The following CERS5 variants were observed in gnomAD, a reference collection of about 807,000 sequenced individuals.
The protein encoded by CERS5 is ceramide synthase 5, also known as LAG1 homolog, ceramide synthase 5.
Under a neutral mutation model 58.9 loss-of-function variants are expected in CERS5, and 37 were observed. That is an observed-to-expected ratio of 0.63 (90% CI 0.48 to 0.83). The LOEUF (loss-of-function observed/expected upper bound fraction) is 0.83, where lower values mean the gene tolerates loss of function less well. CERS5 is among the 40% of genes least tolerant of loss of function. The pLI is 0.00. For missense variants in CERS5, 398 were observed against 489.3 expected (o/e 0.81, Z 1.76); for synonymous variants, 147 against 177.8 (o/e 0.83, Z 1.38).
chr12:50,155,446 A>C (rs1359534746), intron 1 of CERS5, among the ~76,000 whole-genome samples: 2 of 152,004 alleles, frequency 1.3e-5, no homozygotes, highest in Non-Finnish European at 2.9e-5. Context: ...GGCCATTAAA[A>C]AAAAAAATTG....
At chr12:50,143,261 C>G (rs749018883) in intron 2 of CERS5, 57 bp from the exon 3 acceptor site, 8 of 1,592,656 alleles carry the variant, frequency 5.0e-6, no homozygotes, top group Non-Finnish European at 6.9e-6. Flanking sequence ...TCCTTCAATC[C>G]CATTGACTAG....
At chr12:50,142,630 T>C (rs909495310) in intron 3 of CERS5, among the ~76,000 whole-genome samples, 1 of 151,914 alleles carries the variant, frequency 6.6e-6, no homozygotes, top group African/African-American at 2.4e-5. Flanking sequence ...CCCTAGCATT[T>C]TTCTTTACAT....
Position 50,161,784 on chromosome 12 carries a change from GAAAAAA to G in CERS5, c.197+5311_197+5316del, listed in dbSNP as rs374177550. 4.4e-5 allele frequency among the ~76,000 whole-genome samples: 4 copies of G among 90,894 alleles called. No individual in the cohort carries two copies. In the South Asian group the frequency reaches 1.6e-3, roughly 36 times the overall value. The allele number at this position is 90,894 out of a possible 152,430, so 59.6% of individuals were successfully genotyped here. A position where few individuals can be genotyped will look rare whatever the true frequency, so the allele number is the denominator to read the frequency against. ...AGAGTGAGACTCCGTCTCAAAAAAA[GAAAAAA>G]AAAAAAAAAAGCAAAGTTCAAGTTA... On this transcript the variant is annotated intron_variant, in intron 1 of 9. Transcript: ENST00000317551.
intron 1 of CERS5, among the ~76,000 whole-genome samples, chr12:50,147,600 C>G (rs946658314): frequency 2.0e-5 from 3 of 152,150 alleles, no homozygotes; most frequent in Non-Finnish European, 4.4e-5. Context: ...AATCTATTCT[C>G]TCTCATGAGA....
chr12:50,144,820 TC>T, intron 1 of CERS5: 1 of 1,514,898 alleles, frequency 6.6e-7, no homozygotes, highest in South Asian at 1.2e-5. Flanking sequence ...TCAAGCAGAG[TC>T]CCAAGGATTT....
chr12:50,157,652 C>G (rs2138236391), intron 1 of CERS5, among the ~76,000 whole-genome samples: 1 of 152,132 alleles, frequency 6.6e-6, no homozygotes, highest in East Asian at 1.9e-4. Context: ...ATTCACTTTA[C>G]CTAGATCCTT....
At chr12:50,147,205 C>A (rs1221762409) in intron 1 of CERS5, 1 of 151,942 alleles carries the variant, frequency 6.6e-6, no homozygotes, top group African/African-American at 2.4e-5. Flanking sequence ...AGTTCGAGAC[C>A]AGCCTATCCA....
chr12:50,163,734 C>T lies in CERS5; in HGVS notation c.197+3367G>A, dbSNP rs567277244. On this transcript the variant is annotated intron_variant, in intron 1 of 9. Transcript: ENST00000317551. ...GATCACGGCTCACTGCAGTCTCAAC[C>T]TCCCGGGTTCAAGCAATCCTCCTGC... Among the ~76,000 whole-genome samples, 5 of 152,244 alleles carry T rather than the reference C, an allele frequency of 3.3e-5. No homozygotes were observed. In the South Asian group the frequency reaches 1.0e-3, roughly 32 times the overall value.
intron 1 of CERS5, chr12:50,165,397 C>A (rs748814321): frequency 6.9e-6 from 1 of 145,732 alleles, no homozygotes; most frequent in Non-Finnish European, 1.5e-5. Flanking sequence ...CCAGCCTGGG[C>A]GACAGAGCGA....
At chr12:50,131,326 C>T (rs1472516478) in intron 9 of CERS5, among the ~76,000 whole-genome samples, 7 of 151,740 alleles carry the variant, frequency 4.6e-5, no homozygotes, top group African/African-American at 9.7e-5. Flanking sequence ...TTTGGGAGGC[C>T]GAGGCAGGCG....
intron 1 of CERS5, among the ~76,000 whole-genome samples, chr12:50,164,492 A>C (rs145681694): frequency 4.3e-4 from 65 of 152,240 alleles, no homozygotes; most frequent in African/African-American, 1.5e-3. Flanking sequence ...GTAAAAGAGG[A>C]ATTGGCAAGT....
At chr12:50,133,094 A>C (rs920799045) in intron 9 of CERS5, 1 of 1,286,698 alleles carries the variant, frequency 7.8e-7, no homozygotes. Flanking sequence ...AGGAGAGAAC[A>C]GAGATGTCCA....
chr12:50,131,870 G>T (rs1033738272), intron 9 of CERS5, among the ~76,000 whole-genome samples: 15 of 152,110 alleles, frequency 9.9e-5, no homozygotes, highest in Non-Finnish European at 2.2e-4. Flanking sequence ...GCTGAGGGAG[G>T]AGGACAGCTT....
chr12:50,157,173 A>G (rs531836879), intron 1 of CERS5, among the ~76,000 whole-genome samples: 15 of 152,126 alleles, frequency 9.9e-5, no homozygotes, highest in African/African-American at 3.1e-4. Flanking sequence ...TCGGACTCCA[A>G]GCTCTTCAGT....
intron 9 of CERS5, among the ~76,000 whole-genome samples, chr12:50,131,057 A>G (rs1398593078): frequency 1.3e-5 from 2 of 152,210 alleles, no homozygotes. Flanking sequence ...AACAATACGT[A>G]TGACTGTCAG....
intron 1 of CERS5, chr12:50,148,574 G>T: frequency 2.9e-6 from 1 of 346,092 alleles, no homozygotes; most frequent in Non-Finnish European, 6.0e-6. Flanking sequence ...TCCAGTCTGG[G>T]CGACAAAGCA....
chr12:50,161,543 G>A lies in CERS5; in HGVS notation c.197+5558C>T, dbSNP rs573523483. On this transcript the variant is annotated intron_variant, in intron 1 of 9. Transcript: ENST00000317551. ...TGTAATCCTAGCACTTTGGGAGGCC[G>A]AGGCAGGTGGATCACTTGAGGCCGG... is the stretch of plus-strand genomic sequence containing the variant. 2.2e-3 allele frequency among the ~76,000 whole-genome samples: 333 copies of A among 152,150 alleles called. 3 individuals are homozygous for A. The highest frequency in any genetic ancestry group is 2.1e-3 in the Non-Finnish European group (146 of 68,004).
At chr12:50,138,727 G>T (rs1454513493) in intron 4 of CERS5, 110 bp from the exon 5 acceptor site, 1 of 927,262 alleles carries the variant, frequency 1.1e-6, no homozygotes, top group Non-Finnish European at 1.8e-6. Context: ...GGACAGAAAA[G>T]CCCCCAAACA....
intron 1 of CERS5, among the ~76,000 whole-genome samples, chr12:50,158,605 C>T (rs963024619): frequency 1.3e-5 from 2 of 152,148 alleles, no homozygotes; most frequent in African/African-American, 4.8e-5. Context: ...CCTTATCCTC[C>T]TGGGTCATCA....
Sources: allele counts gnomAD v4.1 joint callset (sites outside exome capture counted in the v4.1 genomes callset), GRCh38; gene constraint gnomAD v4.1.1; transcripts MANE v1.5; gene names NCBI Gene and HGNC (gene_info 2026-07-23, HGNC 2026-07-21).